Variants in RHBDD1 observed in about 807,000 individuals in gnomAD.
RHBDD1 encodes rhomboid-related protein 4.
Under a neutral mutation model 36.3 loss-of-function variants are expected in RHBDD1, and 38 were observed. The ratio of observed to expected loss-of-function variants is 1.05; its 90% CI spans 0.81 to 1.37. The LOEUF (loss-of-function observed/expected upper bound fraction) is 1.37. RHBDD1 is among the 40% of genes most tolerant of loss of function. The pLI, the probability that RHBDD1 is intolerant of heterozygous loss-of-function variation, is 0.00. For synonymous variants in RHBDD1, 151 were observed against 136.5 expected, an observed-to-expected ratio of 1.11 and a Z score of -0.74; for missense variants, 393 against 377.6, an observed-to-expected ratio of 1.04 and a Z score of -0.34.
At chr2:226,912,921 A>G (rs1340575994) in intron 7 of RHBDD1, among the ~76,000 whole-genome samples, 1 of 152,208 alleles carries the variant, frequency 6.6e-6, no homozygotes, top group African/African-American at 2.4e-5. Context: ...TTCATGACCA[A>G]TATTTATATA....
intron 8 of RHBDD1, among the ~76,000 whole-genome samples, chr2:226,931,306 A>G (rs564489379): frequency 2.7e-4 from 41 of 152,232 alleles, no homozygotes; most frequent in Non-Finnish European, 4.7e-4. Flanking sequence ...CTACTCAGCC[A>G]TAAAAAAGAA....
chr2:226,854,418 C>G (rs953082460), intron 3 of RHBDD1, among the ~76,000 whole-genome samples: 3 of 151,958 alleles, frequency 2.0e-5, no homozygotes, highest in African/African-American at 7.3e-5. Context: ...CATGGTGAAA[C>G]CCTGTCTCTA....
At chr2:226,982,441 T>C (rs1373376507) in intron 8 of RHBDD1, among the ~76,000 whole-genome samples, 4 of 152,232 alleles carry the variant, frequency 2.6e-5, no homozygotes, top group African/African-American at 9.6e-5. Context: ...TAATCAGGCT[T>C]ATGGTAGTTA....
intron 8 of RHBDD1, among the ~76,000 whole-genome samples, chr2:226,961,589 A>G (rs1952205734): frequency 6.6e-6 from 1 of 152,144 alleles, no homozygotes; most frequent in Non-Finnish European, 1.5e-5. Context: ...GTAAGCTGCA[A>G]TTAAGGCAGA....
At position 226,997,618 on chromosome 2, in the gene RHBDD1, T is replaced by C. The variant is rs1959755442; in HGVS notation, c.*2096T>C. 2 of 152,204 alleles carry C rather than the reference T, an allele frequency of 1.3e-5. No homozygotes were observed. Among genetic ancestry groups the C allele is most frequent in the Admixed American group, 1.3e-4 (2 of 15,276 alleles). The allele number at this position is 152,204 out of a possible 1,614,324, so 9.4% of individuals were successfully genotyped here. A position where few individuals can be genotyped will look rare whatever the true frequency, so the allele number is the denominator to read the frequency against. On this transcript the variant is annotated 3_prime_UTR_variant, in exon 9 of 9. Transcript: ENST00000392062. The stretch of plus-strand genomic sequence containing the variant: ...AGAGTCCAGTCACTGTATATGGAAG[T>C]ATTTTATTTTTTATTTTTTTATATC...
In RHBDD1 at chr2:226,949,050, A is replaced by G. The variant is rs144388503; in HGVS notation, c.856+34699A>G. The stretch of plus-strand genomic sequence containing the variant: ...ACAATTGCTACAAAGAGAATAAAAT[A>G]TCTAGGAATACAACTTACAAGGGAT... On this transcript the variant is annotated intron_variant, in intron 8 of 8. Transcript: ENST00000392062. 8.2e-4 allele frequency among the ~76,000 whole-genome samples: 125 copies of G among 152,336 alleles called. 1 individual carries two copies. The highest frequency in any genetic ancestry group is 2.9e-3 in the African/African-American group (119 of 41,584).
chr2:226,864,779 C>T lies in RHBDD1; in HGVS notation c.86C>T (p.Pro29Leu), dbSNP rs143797293. The change falls in exon 4 of 9, where the codon CCT (proline) becomes CTT (leucine). Residue 29 changes from proline (P) to leucine (L), a missense_variant. Physicochemically the swap from Pro to Leu is moderately conservative, Grantham distance 98. Coordinates refer to ENST00000392062, the MANE Select transcript of RHBDD1 (RefSeq NM_001167608.3). ...CATGTTGGGATCAACAATATTCCAC[C>T]TGTCACCCTAGCAACTTTGGCCCTC... ...IFHVGINNIP[P>L]VTLATLALNI... 1.9e-6 allele frequency: 3 copies of T among 1,614,134 alleles called. No individual in the cohort carries two copies. The highest frequency in any genetic ancestry group is 8.5e-7 in the Non-Finnish European group (1 of 1,179,996).
At position 226,998,189 on chromosome 2, in the gene RHBDD1, C is replaced by T. The variant is rs1453007863; in HGVS notation, c.*2667C>T. On this transcript the variant is annotated 3_prime_UTR_variant, in exon 9 of 9. Coordinates refer to ENST00000392062, the MANE Select transcript of RHBDD1 (RefSeq NM_001167608.3). Reference sequence around the variant, plus strand: ...GAGGAGGCAGTAGTTAAAATTGCTTCCTCTTAATGACTCTGAATGTATTGC... The same window carrying T: ...GAGGAGGCAGTAGTTAAAATTGCTTTCTCTTAATGACTCTGAATGTATTGC... The T allele has an allele frequency of 6.6e-6, 1 of 152,168 alleles. No homozygotes were observed. The allele number at this position is 152,168 out of a possible 1,614,324, so 9.4% of individuals were successfully genotyped here. A position where few individuals can be genotyped will look rare whatever the true frequency, so the allele number is the denominator to read the frequency against.
upstream of RHBDD1, among the ~76,000 whole-genome samples, chr2:226,833,350 G>A (rs1019774736): frequency 1.3e-5 from 2 of 152,210 alleles, no homozygotes; most frequent in Non-Finnish European, 1.5e-5. Flanking sequence ...GCACGCTGTC[G>A]TTGCATGGTA....
intron 8 of RHBDD1, among the ~76,000 whole-genome samples, chr2:226,941,173 C>T (rs955654240): frequency 1.3e-5 from 2 of 152,092 alleles, no homozygotes; most frequent in Non-Finnish European, 2.9e-5. Context: ...TTTCTGTTGG[C>T]CAGGCTGGTC....
At chr2:226,909,366 A>G (rs1255242647) in intron 7 of RHBDD1, among the ~76,000 whole-genome samples, 3 of 152,208 alleles carry the variant, frequency 2.0e-5, no homozygotes, top group African/African-American at 7.2e-5. Flanking sequence ...AAATAGATAG[A>G]AAAGACTTCC....
intron 8 of RHBDD1, among the ~76,000 whole-genome samples, chr2:226,976,372 T>C (rs954143251): frequency 6.6e-6 from 1 of 151,286 alleles, no homozygotes; most frequent in East Asian, 1.9e-4. Flanking sequence ...AGACGTCTGC[T>C]TCAGCTGCTT....
At chr2:226,977,225 C>G (rs182038522) in intron 8 of RHBDD1, among the ~76,000 whole-genome samples, 2 of 152,294 alleles carry the variant, frequency 1.3e-5, no homozygotes, top group East Asian at 1.9e-4. Flanking sequence ...TTTGTGTCTC[C>G]CCTTCGGCAA....
At chr2:226,807,573 T>G in the RHBDD1 span, 7 of 152,148 alleles carry the variant, frequency 4.6e-5, no homozygotes, top group East Asian at 1.3e-3. Flanking sequence ...AAATGGCCAA[T>G]GCAAAGAGCC....
At chr2:226,963,209 C>T (rs947797321) in intron 8 of RHBDD1, among the ~76,000 whole-genome samples, 1 of 152,056 alleles carries the variant, frequency 6.6e-6, no homozygotes, top group African/African-American at 2.4e-5. Context: ...AGTAAAACTT[C>T]TATATAGAAC....
chr2:226,940,927 A>G (rs1278532875), intron 8 of RHBDD1, among the ~76,000 whole-genome samples: 3 of 151,642 alleles, frequency 2.0e-5, no homozygotes, highest in Non-Finnish European at 4.4e-5. Context: ...AAAGTGCTAG[A>G]TTAGACTCAC....
intron 3 of RHBDD1, among the ~76,000 whole-genome samples, chr2:226,861,408 A>G (rs1943840260): frequency 6.6e-6 from 1 of 152,212 alleles, no homozygotes; most frequent in African/African-American, 2.4e-5. Flanking sequence ...TCCAGCCAGA[A>G]GTAACTCAGG....
chr2:226,996,340 A>G lies in RHBDD1; in HGVS notation c.*818A>G, dbSNP rs1242866654. The G allele has an allele frequency of 2.6e-5, 4 of 152,360 alleles. No individual in the cohort carries two copies. The highest frequency in any genetic ancestry group is 2.1e-4 in the South Asian group (1 of 4,826). The allele number at this position is 152,360 out of a possible 1,614,324, so 9.4% of individuals were successfully genotyped here. On this transcript the variant is annotated 3_prime_UTR_variant, in exon 9 of 9. Transcript: ENST00000392062. ...TTGGTGGATCGGTCACTAGAGATCT[A>G]TCTTGCAGAAAGTATGTTTTTCCTC...
intron 5 of RHBDD1, among the ~76,000 whole-genome samples, chr2:226,869,834 T>G (rs1574884640): frequency 6.6e-6 from 1 of 152,298 alleles, no homozygotes; most frequent in Middle Eastern, 3.4e-3. Context: ...GAGACCCTGA[T>G]AGGTGATAGT....
Sources: allele counts gnomAD v4.1 joint callset (sites outside exome capture counted in the v4.1 genomes callset), GRCh38; gene constraint gnomAD v4.1.1; transcripts MANE v1.5; gene names NCBI Gene and HGNC (gene_info 2026-07-23, HGNC 2026-07-21).